The following SKP1 variants were observed in gnomAD, a reference collection of about 807,000 sequenced individuals.
SKP1 encodes the protein S-phase kinase-associated protein 1.
In SKP1, 1 loss-of-function variant was observed where a neutral mutation model predicts 21.5. The observed-to-expected ratio is 0.05, with a 90% CI of 0.02 to 0.22. The LOEUF (loss-of-function observed/expected upper bound fraction) is 0.22. SKP1 is among the 10% of genes least tolerant of loss of function. The pLI is 1.00. For synonymous variants in SKP1, 59 were observed against 59.3 expected (o/e 0.99, Z 0.03); for missense variants, 70 against 192.0 (o/e 0.36, Z 3.76).
chr5:134,176,914 G>C lies in SKP1; in HGVS notation c.-60C>G, dbSNP rs11538030. 2.0e-5 allele frequency: 3 copies of C among 152,836 alleles called. No homozygotes were observed. The highest frequency in any genetic ancestry group is 2.9e-5 in the Non-Finnish European group (2 of 68,200). 9.5% of individuals were successfully genotyped at this position (152,836 alleles called of 1,614,324 possible). ...CTGACGAGAGCCGGGAGGCGTTAGC[G>C]AAGGAAGAGAAAAACCGAAGACGAA... On this transcript the variant is annotated 5_prime_UTR_variant, in exon 1 of 6. Transcript: ENST00000353411.
In SKP1 at chr5:134,154,923, A is replaced by G. The variant is rs1761099669; in HGVS notation, c.*2810T>C. The stretch of plus-strand genomic sequence containing the variant: ...ATCAAGCTCTCCCCTCTCATGCATT[A>G]AAACTACTCTTCTTGTTTTCATTAT... On this transcript the variant is annotated 3_prime_UTR_variant, in exon 6 of 6. Coordinates refer to ENST00000353411, the MANE Select transcript of SKP1 (RefSeq NM_170679.3). The G allele has an allele frequency of 6.6e-6, 1 of 152,222 alleles. No homozygotes were observed. 9.4% of individuals were successfully genotyped at this position (152,222 alleles called of 1,614,324 possible).
intron 1 of SKP1, chr5:134,175,375 T>C (rs976327628): frequency 6.6e-6 from 1 of 152,254 alleles, no homozygotes; most frequent in Non-Finnish European, 1.5e-5. Context: ...TTGCCAATAA[T>C]GCAGTTGTCC....
At chr5:134,170,925 C>A (rs982157662) in intron 2 of SKP1, 2 of 429,788 alleles carry the variant, frequency 4.7e-6, no homozygotes, top group Non-Finnish European at 9.2e-6. Context: ...TCAGTTTCTA[C>A]ATCTTCTGGA....
In SKP1 at chr5:134,154,689, C is replaced by G. The variant is rs1256438899; in HGVS notation, c.*3044G>C. ...GCAGCATGTTGTTTACAGAGGAAAC[C>G]GACAAACATCCTTCAATCACCCAAA... On this transcript the variant is annotated 3_prime_UTR_variant, in exon 6 of 6. Coordinates refer to ENST00000353411, the MANE Select transcript of SKP1 (RefSeq NM_170679.3). The G allele has an allele frequency of 6.6e-6, 1 of 152,024 alleles. No homozygotes were observed. Among genetic ancestry groups the G allele is most frequent in the Non-Finnish European group, 1.5e-5 (1 of 68,010 alleles). 9.4% of individuals were successfully genotyped at this position (152,024 alleles called of 1,614,324 possible).
intron 2 of SKP1, chr5:134,173,613 C>A: frequency 4.6e-6 from 2 of 433,712 alleles, no homozygotes; most frequent in Admixed American, 6.3e-5. Flanking sequence ...ACCTTAATTT[C>A]TATCACTGGA....
In SKP1 at chr5:134,149,691, AGTT is replaced by A. The variant is rs1352414653; in HGVS notation, c.*8039_*8041del. On this transcript the variant is annotated 3_prime_UTR_variant, in exon 6 of 6. Transcript: ENST00000353411. ...AGAATTCTGTTCTGGCTACTGGCCT[AGTT>A]GTTTAAAAAACCTACATTCTAACCA... 1 of 152,234 alleles carries A rather than the reference AGTT, an allele frequency of 6.6e-6. No individual in the cohort carries two copies. The highest frequency in any genetic ancestry group is 6.5e-5 in the Admixed American group (1 of 15,288). The allele number at this position is 152,234 out of a possible 1,614,324, so 9.4% of individuals were successfully genotyped here.
At chr5:134,166,181 T>G (rs1386503108) in intron 3 of SKP1, among the ~76,000 whole-genome samples, 10 of 143,664 alleles carry the variant, frequency 7.0e-5, no homozygotes, top group Admixed American at 5.5e-4. Context: ...CGAGGCTCCA[T>G]CTCAAAAAAA....
intron 2 of SKP1, among the ~76,000 whole-genome samples, chr5:134,167,939 C>T (rs1761364679): frequency 6.6e-6 from 1 of 152,142 alleles, no homozygotes; most frequent in Non-Finnish European, 1.5e-5. Context: ...CAGGGGTGTC[C>T]TGAAACCAAT....
rs1335312606 is a variant in SKP1 at position 134,159,932 on chromosome 5, C to T, written c.315+1055G>A. Among the ~76,000 whole-genome samples the T allele has an allele frequency of 3.3e-5, 5 of 151,974 alleles. No homozygotes were observed. The South Asian group carries it at 8.3e-4, about 25-fold the overall frequency. On this transcript the variant is annotated intron_variant, in intron 4 of 5. Coordinates refer to ENST00000353411, the MANE Select transcript of SKP1 (RefSeq NM_170679.3). ...TCCTAGCCTCAAGTGATCCACCCGCCTCACCCTCCCAAAGTGTTGGGATCA... is the reference window on the plus strand; with the variant it reads ...TCCTAGCCTCAAGTGATCCACCCGCTTCACCCTCCCAAAGTGTTGGGATCA...
chr5:134,162,394 C>A (rs111398847), intron 3 of SKP1, among the ~76,000 whole-genome samples: 1 of 151,970 alleles, frequency 6.6e-6, no homozygotes. Flanking sequence ...GCCTGGCCAG[C>A]GAAAGGTTTT....
At position 134,154,345 on chromosome 5, in the gene SKP1, G is replaced by A. The variant is rs1835905; in HGVS notation, c.*3388C>T. 10,484 of 151,240 alleles carry A rather than the reference G, an allele frequency of 0.069. 465 individuals carry two copies. Among genetic ancestry groups the A allele is most frequent in the Admixed American group, 0.15 (2,248 of 15,156 alleles). The allele number at this position is 151,240 out of a possible 1,614,324, so 9.4% of individuals were successfully genotyped here. A position where few individuals can be genotyped will look rare whatever the true frequency, so the allele number is the denominator to read the frequency against. ...TGCCTGTAATCCCAGCTACTCGGGA[G>A]GCTGAGGCAGGAGAATCACTTGAAC... On this transcript the variant is annotated 3_prime_UTR_variant, in exon 6 of 6. Transcript: ENST00000353411.
chr5:134,160,115 G>A (rs1357585123), intron 4 of SKP1, among the ~76,000 whole-genome samples: 1 of 151,782 alleles, frequency 6.6e-6, no homozygotes, highest in East Asian at 1.9e-4. Flanking sequence ...CAACACTTTG[G>A]GAGGCCTAGG....
chr5:134,176,842 G>C lies in SKP1; in HGVS notation c.-1+13C>G, dbSNP rs1253148858. On this transcript the variant is annotated intron_variant, in intron 1 of 5. Coordinates refer to ENST00000353411, the MANE Select transcript of SKP1 (RefSeq NM_170679.3). ...AGCCACGACCCTTTCCAGTTCAGTG[G>C]GCGGCTACTCACGGTGTTCGGTGTT... 1 of 152,782 alleles carries C rather than the reference G, an allele frequency of 6.5e-6. No individual in the cohort carries two copies. The highest frequency in any genetic ancestry group is 6.5e-5 in the Admixed American group (1 of 15,294). 9.5% of individuals were successfully genotyped at this position (152,782 alleles called of 1,614,324 possible). A position where few individuals can be genotyped will look rare whatever the true frequency, so the allele number is the denominator to read the frequency against.
At chr5:134,163,379 T>C (rs1308876832) in intron 3 of SKP1, among the ~76,000 whole-genome samples, 3 of 150,994 alleles carry the variant, frequency 2.0e-5, no homozygotes, top group Admixed American at 2.0e-4. Context: ...GGGGGAGCAG[T>C]TTCCAATCAG....
At chr5:134,168,973 A>G (rs1761387445) in intron 2 of SKP1, among the ~76,000 whole-genome samples, 1 of 152,084 alleles carries the variant, frequency 6.6e-6, no homozygotes, top group Non-Finnish European at 1.5e-5. Flanking sequence ...TTATAATGCT[A>G]TGAGACTATC....
intron 2 of SKP1, 31 bp from the exon 3 acceptor site, chr5:134,167,274 C>G (rs1315849379): frequency 4.3e-6 from 6 of 1,385,786 alleles, no homozygotes; most frequent in Non-Finnish European, 6.2e-6. Context: ...TTTCTATTTC[C>G]TAATTCCATT....
chr5:134,151,662 TA>T lies in SKP1; in HGVS notation c.*6070del. 1 of 456,114 alleles carries T rather than the reference TA, an allele frequency of 2.2e-6. No individual in the cohort carries two copies. The highest frequency in any genetic ancestry group is 4.4e-6 in the Non-Finnish European group (1 of 226,880). The allele number at this position is 456,114 out of a possible 1,614,324, so 28.3% of individuals were successfully genotyped here. On this transcript the variant is annotated 3_prime_UTR_variant, in exon 6 of 6. Transcript: ENST00000353411. ...TATACTTAAATACTTCCAGAAAATT[TA>T]AAGTTGACAGATATCAGAAGGTCGC...
At chr5:134,164,322 G>GAAA (rs55637997) in intron 3 of SKP1, among the ~76,000 whole-genome samples, 19 of 122,122 alleles carry the variant, frequency 1.6e-4, no homozygotes, top group Non-Finnish European at 2.5e-4. Context: ...TCCATCTCAA[G>GAAA]AAAAAAAAAA....
rs991287722 is a variant in SKP1 at position 134,149,258 on chromosome 5, A to G, written c.*8475T>C. ...CATCTCCCACCTTTTGAAGTCTCCA[A>G]TGTCTATTATTCCATTCCGTATCCA... is the stretch of plus-strand genomic sequence containing the variant. On this transcript the variant is annotated 3_prime_UTR_variant, in exon 6 of 6. Coordinates refer to ENST00000353411, the MANE Select transcript of SKP1 (RefSeq NM_170679.3). 6.6e-6 allele frequency: 1 copy of G among 152,160 alleles called. No homozygotes were observed. The highest frequency in any genetic ancestry group is 1.5e-5 in the Non-Finnish European group (1 of 68,042). The allele number at this position is 152,160 out of a possible 1,614,324, so 9.4% of individuals were successfully genotyped here.
Sources: allele counts gnomAD v4.1 joint callset (sites outside exome capture counted in the v4.1 genomes callset), GRCh38; gene constraint gnomAD v4.1.1; transcripts MANE v1.5; gene names NCBI Gene and HGNC (gene_info 2026-07-23, HGNC 2026-07-21).